The following LRP2BP variants were observed in gnomAD, a reference collection of about 807,000 sequenced individuals.
The protein encoded by LRP2BP is LRP2-binding protein.
LRP2BP carries 38 observed loss-of-function variants against 45.2 expected under a neutral mutation model. That is an observed-to-expected ratio of 0.84 (90% CI 0.65 to 1.10). LRP2BP has a LOEUF of 1.10. Among genes scored for constraint, LRP2BP ranks in the 50% least tolerant of loss-of-function variants. The probability of loss-of-function intolerance (pLI) is 0.00; values close to 1 mark genes in which losing one functional copy is unlikely to be tolerated. For synonymous variants in LRP2BP, 153 were observed against 153.9 expected, an observed-to-expected ratio of 0.99 and a Z score of 0.04; for missense variants, 385 against 418.9, an observed-to-expected ratio of 0.92 and a Z score of 0.71.
upstream of LRP2BP, chr4:185,396,518 C>A (rs145393898): frequency 4.7e-3 from 940 of 201,184 alleles, 8 homozygotes; most frequent in African/African-American, 0.02. Context: ...CTACTCCAGT[C>A]CTCTCACGCC....
In LRP2BP at chr4:185,392,320, A is replaced by G. The variant is rs78939836; in HGVS notation, c.-22+2459T>C. 7.5e-3 allele frequency among the ~76,000 whole-genome samples: 1,147 copies of G among 152,346 alleles called. 17 individuals carry two copies. Among genetic ancestry groups the G allele is most frequent in the South Asian group, 0.054 (258 of 4,822 alleles). ...ACCCTTCTGATTACAGGCTCTCAGG[A>G]AAGTAAACATCATCAAAAGAGGATA... On this transcript the variant is annotated intron_variant, in intron 1 of 8. Transcript: ENST00000505916.
At chr4:185,375,142 C>G (rs975671152) in intron 4 of LRP2BP, among the ~76,000 whole-genome samples, 1 of 151,718 alleles carries the variant, frequency 6.6e-6, no homozygotes, top group African/African-American at 2.4e-5. Flanking sequence ...GAGACAGAGT[C>G]TTGCTCTGTC....
At chr4:185,383,291 G>C (rs552154436) in intron 1 of LRP2BP, among the ~76,000 whole-genome samples, 3 of 152,230 alleles carry the variant, frequency 2.0e-5, no homozygotes, top group South Asian at 2.1e-4. Context: ...GGGCAACGTA[G>C]TGAGGCCCTG....
intron 2 of LRP2BP, 103 bp from the exon 3 acceptor site, chr4:185,377,121 G>C (rs554228755): frequency 3.7e-6 from 3 of 816,028 alleles, no homozygotes; most frequent in Admixed American, 4.2e-5. Context: ...TGACATTCTT[G>C]CTTTCTAGTG....
At chr4:185,396,691 T>G, upstream of LRP2BP, 2 of 545,900 alleles carry the variant, frequency 3.7e-6, no homozygotes, top group Non-Finnish European at 3.3e-6. Flanking sequence ...CGTGCCAGTG[T>G]TTGTGTACGT....
rs191922674 is a variant in LRP2BP at position 185,395,314 on chromosome 4, A to G, written c.-557T>C. ...ACACAAATATCCCACTACATATGCT[A>G]ACTGCAGTATTTATGTTCAAAACTG... On this transcript the variant is annotated 5_prime_UTR_variant, in exon 1 of 9. Coordinates refer to ENST00000505916, the MANE Select transcript of LRP2BP (RefSeq NM_001377440.1). 6 of 985,412 alleles carry G rather than the reference A, an allele frequency of 6.1e-6. No homozygotes were observed. In the East Asian group the frequency reaches 6.8e-4, roughly 112 times the overall value. The allele number at this position is 985,412 out of a possible 1,614,324, so 61.0% of individuals were successfully genotyped here.
chr4:185,374,210 AT>A lies in LRP2BP; in HGVS notation c.503del (p.Asn168IlefsTer6), dbSNP rs776231927. The A allele has an allele frequency of 6.2e-7, 1 of 1,614,078 alleles. No homozygotes were observed. Among genetic ancestry groups the A allele is most frequent in the South Asian group, 1.1e-5 (1 of 91,074 alleles). On this transcript the variant is annotated frameshift_variant, in exon 6 of 9. Transcript: ENST00000505916. LOFTEE classifies it high-confidence loss of function. ...RLWLIAADNG[N>X]PKASVKAQSM... ...TTTGAGCCTTCACACTAGCTTTGGG[AT>A]TTCCATTGTCTGCTGCGATAAGCCA...
At chr4:185,384,911 C>A (rs1006757105) in intron 1 of LRP2BP, among the ~76,000 whole-genome samples, 5 of 149,086 alleles carry the variant, frequency 3.4e-5, no homozygotes, top group Non-Finnish European at 7.4e-5. Flanking sequence ...CCCCGTCCCC[C>A]GCCGCCCCTT....
At chr4:185,379,343 C>G (rs2095448407) in intron 1 of LRP2BP, among the ~76,000 whole-genome samples, 1 of 152,146 alleles carries the variant, frequency 6.6e-6, no homozygotes, top group Non-Finnish European at 1.5e-5. Flanking sequence ...AGATAGCACT[C>G]ATTTATGACT....
At chr4:185,370,557 C>G in intron 8 of LRP2BP, 83 bp downstream of exon 8, 3 of 1,417,756 alleles carry the variant, frequency 2.1e-6, no homozygotes, top group East Asian at 4.8e-5. Flanking sequence ...AGAAAAAACA[C>G]TAATCCGTAA....
At chr4:185,396,712 C>A (rs2095504286), upstream of LRP2BP, 2 of 581,646 alleles carry the variant, frequency 3.4e-6, no homozygotes, top group Admixed American at 6.3e-5. Context: ...GCGGCCGTGG[C>A]GGGGCTGGAC....
chr4:185,371,401 G>A (rs1254291736), intron 7 of LRP2BP, among the ~76,000 whole-genome samples: 2 of 152,050 alleles, frequency 1.3e-5, no homozygotes, highest in Admixed American at 6.5e-5. Flanking sequence ...AATTAGCTGG[G>A]CATGGTAGCG....
At chr4:185,379,811 C>CT (rs1336139896) in intron 1 of LRP2BP, among the ~76,000 whole-genome samples, 3 of 129,900 alleles carry the variant, frequency 2.3e-5, no homozygotes, top group South Asian at 2.5e-4. Flanking sequence ...CACCTGCGCA[C>CT]TTCTCTCTCT....
upstream of LRP2BP, chr4:185,397,041 G>T: frequency 6.2e-7 from 1 of 1,609,932 alleles, no homozygotes; most frequent in Non-Finnish European, 8.5e-7. Flanking sequence ...CGGACCACTG[G>T]GCGCTGCCTG....
At chr4:185,379,413 T>C (rs2095448692) in intron 1 of LRP2BP, among the ~76,000 whole-genome samples, 1 of 152,194 alleles carries the variant, frequency 6.6e-6, no homozygotes, top group African/African-American at 2.4e-5. Flanking sequence ...ATGCTACTTA[T>C]CCAAAAAGGC....
At chr4:185,394,347 T>C (rs2126857583) in intron 1 of LRP2BP, among the ~76,000 whole-genome samples, 1 of 150,640 alleles carries the variant, frequency 6.6e-6, no homozygotes, top group Admixed American at 6.6e-5. Context: ...TGACCAAAAT[T>C]ATTTAAAACA....
rs2095378658 is a variant in LRP2BP, at chr4:185,364,215, C to A, written c.*2965G>T. On this transcript the variant is annotated 3_prime_UTR_variant, in exon 9 of 9. Coordinates refer to ENST00000505916, the MANE Select transcript of LRP2BP (RefSeq NM_001377440.1). ...TTAGGGAGGAGAGATGGGAGCTGAC[C>A]CTTGGAGTATGGGCAGGGCCGAGAT... 6.6e-6 allele frequency: 1 copy of A among 151,940 alleles called. No homozygotes were observed. Among genetic ancestry groups the A allele is most frequent in the Non-Finnish European group, 1.5e-5 (1 of 68,028 alleles). The allele number at this position is 151,940 out of a possible 1,614,324, so 9.4% of individuals were successfully genotyped here. A position where few individuals can be genotyped will look rare whatever the true frequency, so the allele number is the denominator to read the frequency against.
rs139810834 is a variant in LRP2BP at position 185,383,005 on chromosome 4, T to C, written c.-21-4798A>G. ...GTTCATTCTGTGTATGAGGGAAAGGTCCAAATCAGTTCTTTTGCATGTGGA... is the reference window on the plus strand; with the variant it reads ...GTTCATTCTGTGTATGAGGGAAAGGCCCAAATCAGTTCTTTTGCATGTGGA... On this transcript the variant is annotated intron_variant, in intron 1 of 8. Transcript: ENST00000505916. 5.9e-5 allele frequency among the ~76,000 whole-genome samples: 9 copies of C among 152,350 alleles called. No homozygotes were observed. The East Asian group carries it at 1.7e-3, about 29-fold the overall frequency.
intron 1 of LRP2BP, among the ~76,000 whole-genome samples, chr4:185,380,639 A>G (rs1380582250): frequency 6.6e-6 from 1 of 152,198 alleles, no homozygotes. Flanking sequence ...ACTTGATTAC[A>G]TGTAAAATAT....
Sources: allele counts gnomAD v4.1 joint callset (sites outside exome capture counted in the v4.1 genomes callset), GRCh38; gene constraint gnomAD v4.1.1; transcripts MANE v1.5; gene names NCBI Gene and HGNC (gene_info 2026-07-23, HGNC 2026-07-21).